The following OR4F15 variants were observed in gnomAD, a reference collection of about 807,000 sequenced individuals.
OR4F15 encodes the protein olfactory receptor family 4 subfamily F member 15.
OR4F15 carries 7 observed loss-of-function variants against 11.9 expected under a neutral mutation model. That is an observed-to-expected ratio of 0.59 (90% CI 0.33 to 1.10). OR4F15 has a LOEUF of 1.10. OR4F15 is among the 50% of genes least tolerant of loss of function. The pLI is 0.03. For synonymous variants in OR4F15, 151 were observed against 134.6 expected (o/e 1.12, Z -0.84); for missense variants, 445 against 377.5 (o/e 1.18, Z -1.48).
At chr15:101,813,306 C>T (rs1440824240) in intron 1 of OR4F15, among the ~76,000 whole-genome samples, 1 of 152,006 alleles carries the variant, frequency 6.6e-6, no homozygotes, top group Non-Finnish European at 1.5e-5. Context: ...TGCAGGAGTT[C>T]GAGACCAGCC....
chr15:101,819,399 A>C lies in OR4F15; in HGVS notation c.*274A>C. ...GTGAGTGCCATGTAATTGAACAAAT[A>C]ACAATACTATGTCTTTTATTTTTTC... On this transcript the variant is annotated 3_prime_UTR_variant, in exon 2 of 2. Coordinates refer to ENST00000332238, the MANE Select transcript of OR4F15 (RefSeq NM_001001674.2). 2.9e-6 allele frequency: 1 copy of C among 347,708 alleles called. No individual in the cohort carries two copies. Among genetic ancestry groups the C allele is most frequent in the East Asian group, 5.0e-5 (1 of 19,892 alleles). 21.5% of individuals were successfully genotyped at this position (347,708 alleles called of 1,614,324 possible).
chr15:101,819,301 G>C lies in OR4F15; in HGVS notation c.*176G>C. ...AGAAGTGATGTTATCCTTTGGCACA[G>C]TGTGCATCAAAGTGCTAAATATTAA... On this transcript the variant is annotated 3_prime_UTR_variant, in exon 2 of 2. Coordinates refer to ENST00000332238, the MANE Select transcript of OR4F15 (RefSeq NM_001001674.2). 1 of 572,852 alleles carries C rather than the reference G, an allele frequency of 1.7e-6. No homozygotes were observed. The highest frequency in any genetic ancestry group is 2.5e-5 in the South Asian group (1 of 40,702). The allele number at this position is 572,852 out of a possible 1,614,324, so 35.5% of individuals were successfully genotyped here.
rs948665332 is a variant in OR4F15, at chr15:101,818,130, C to T, written c.-37-20C>T. On this transcript the variant is annotated intron_variant, in intron 1 of 1. Transcript: ENST00000332238. ...AATACTTGCCTAGGTAATTCTTTCT[C>T]ATTTTCTTTCTTCCTTCAGGTAAGT... 21 of 1,137,158 alleles carry T rather than the reference C, an allele frequency of 1.8e-5. No homozygotes were observed. Among genetic ancestry groups the T allele is most frequent in the South Asian group, 3.0e-5 (2 of 67,080 alleles). 70.4% of individuals were successfully genotyped at this position (1,137,158 alleles called of 1,614,324 possible). A position where few individuals can be genotyped will look rare whatever the true frequency, so the allele number is the denominator to read the frequency against.
In OR4F15 at chr15:101,818,148, A is replaced by G. The variant is rs1224781045; in HGVS notation, c.-37-2A>G. The G allele has an allele frequency of 2.3e-6, 3 of 1,298,374 alleles. No individual in the cohort carries two copies. The highest frequency in any genetic ancestry group is 1.4e-5 in the South Asian group (1 of 72,832). 80.4% of individuals were successfully genotyped at this position (1,298,374 alleles called of 1,614,324 possible). On this transcript the variant is annotated splice_acceptor_variant, in intron 1 of 1. Coordinates refer to ENST00000332238, the MANE Select transcript of OR4F15 (RefSeq NM_001001674.2). LOFTEE classifies it low-confidence loss of function (5UTR_SPLICE). ...TCTTTCTCATTTTCTTTCTTCCTTC[A>G]GGTAAGTAACATGAAAACTGATCTT...
intron 1 of OR4F15, among the ~76,000 whole-genome samples, chr15:101,817,183 C>A (rs1409845119): frequency 6.6e-6 from 1 of 152,066 alleles, no homozygotes; most frequent in Non-Finnish European, 1.5e-5. Context: ...AATAATAAGA[C>A]CCCATATTTA....
intron 1 of OR4F15, among the ~76,000 whole-genome samples, chr15:101,817,683 T>G (rs1480615508): frequency 2.6e-5 from 4 of 152,030 alleles, no homozygotes; most frequent in Admixed American, 2.0e-4. Context: ...TTTTGAAATT[T>G]AAAAAAGGAA....
Position 101,818,132 on chromosome 15 carries a change from T to G in OR4F15, c.-37-18T>G. The G allele has an allele frequency of 8.6e-7, 1 of 1,163,870 alleles. No homozygotes were observed. Among genetic ancestry groups the G allele is most frequent in the Non-Finnish European group, 1.2e-6 (1 of 807,528 alleles). The allele number at this position is 1,163,870 out of a possible 1,614,324, so 72.1% of individuals were successfully genotyped here. ...TACTTGCCTAGGTAATTCTTTCTCA[T>G]TTTCTTTCTTCCTTCAGGTAAGTAA... On this transcript the variant is annotated intron_variant, in intron 1 of 1. Transcript: ENST00000332238.
At position 101,819,080 on chromosome 15, in the gene OR4F15, G is replaced by A. The variant is rs1283775504; in HGVS notation, c.894G>A (p.Met298Ile). ...GGAACAAAGACATGAAAGTGGCAAT[G>A]AGGAGACTGTGCAGTCGTCTTGCGC... ...TFRNKDMKVA[M>I]RRLCSRLAHF... Residue 298 changes from methionine (M) to isoleucine (I), a missense_variant, in exon 2 of 2, where the codon ATG becomes ATA. Transcript: ENST00000332238. The A allele has an allele frequency of 6.2e-7, 1 of 1,613,652 alleles. No homozygotes were observed. Among genetic ancestry groups the A allele is most frequent in the African/African-American group, 1.3e-5 (1 of 74,908 alleles).
chr15:101,816,709 T>G (rs1902994862), intron 1 of OR4F15, among the ~76,000 whole-genome samples: 1 of 152,204 alleles, frequency 6.6e-6, no homozygotes, highest in African/African-American at 2.4e-5. Flanking sequence ...ACATAAATGT[T>G]GGACTAAATC....
In OR4F15 at chr15:101,819,227, A is replaced by G. The variant is rs967834158; in HGVS notation, c.*102A>G. ...AAATACTGAAGACTCAGGCCATACTATATGCCTGAAAATTTATGAAATCAT... is the reference window on the plus strand; with the variant it reads ...AAATACTGAAGACTCAGGCCATACTGTATGCCTGAAAATTTATGAAATCAT... On this transcript the variant is annotated 3_prime_UTR_variant, in exon 2 of 2. Transcript: ENST00000332238. 7 of 714,396 alleles carry G rather than the reference A, an allele frequency of 9.8e-6. No individual in the cohort carries two copies. The highest frequency in any genetic ancestry group is 1.6e-5 in the Non-Finnish European group (7 of 438,240). 44.3% of individuals were successfully genotyped at this position (714,396 alleles called of 1,614,324 possible). A position where few individuals can be genotyped will look rare whatever the true frequency, so the allele number is the denominator to read the frequency against.
At position 101,818,402 on chromosome 15, in the gene OR4F15, AT is replaced by A. The variant is rs781722901; in HGVS notation, c.220del (p.Cys74AlafsTer8). 6.2e-7 allele frequency: 1 copy of A among 1,614,056 alleles called. No homozygotes were observed. The highest frequency in any genetic ancestry group is 8.5e-7 in the Non-Finnish European group (1 of 1,179,960). On this transcript the variant is annotated frameshift_variant, in exon 2 of 2. Coordinates refer to ENST00000332238, the MANE Select transcript of OR4F15 (RefSeq NM_001001674.2). LOFTEE classifies it high-confidence loss of function. ...CTAACCTCTCAATCATTGATATGGCATTTTGCTCAATTACAGCCCCTAAGAT... is the reference window on the plus strand; with the variant it reads ...CTAACCTCTCAATCATTGATATGGCATTTGCTCAATTACAGCCCCTAAGAT... ...LANLSIIDMA[F>X]CSITAPKMIC... is the part of the protein sequence containing the mutation.
In OR4F15 at chr15:101,819,609, G is replaced by C. The variant is rs1047788644; in HGVS notation, c.*484G>C. On this transcript the variant is annotated 3_prime_UTR_variant, in exon 2 of 2. Coordinates refer to ENST00000332238, the MANE Select transcript of OR4F15 (RefSeq NM_001001674.2). ...GCAACCTCTGCCTCTCCGGTTCAAGGGTTCGAGTAATTCTCCTGCCTCAGC... is the reference window on the plus strand; with the variant it reads ...GCAACCTCTGCCTCTCCGGTTCAAGCGTTCGAGTAATTCTCCTGCCTCAGC... 1 of 153,036 alleles carries C rather than the reference G, an allele frequency of 6.5e-6. No homozygotes were observed. Among genetic ancestry groups the C allele is most frequent in the Non-Finnish European group, 1.5e-5 (1 of 68,736 alleles). The allele number at this position is 153,036 out of a possible 1,614,324, so 9.5% of individuals were successfully genotyped here. A position where few individuals can be genotyped will look rare whatever the true frequency, so the allele number is the denominator to read the frequency against.
At chr15:101,817,698 A>T (rs1903014039) in intron 1 of OR4F15, among the ~76,000 whole-genome samples, 1 of 152,184 alleles carries the variant, frequency 6.6e-6, no homozygotes. Flanking sequence ...AAGGAAGGGA[A>T]ACTTCTAAAG....
Position 101,818,198 on chromosome 15 carries a change from G to A in OR4F15, c.12G>A (p.Met4Ile). The A allele has an allele frequency of 6.2e-7, 1 of 1,606,028 alleles. No homozygotes were observed. The highest frequency in any genetic ancestry group is 1.7e-5 in the Admixed American group (1 of 59,756). MNGMNHSVVSEFVF... is the reference protein window; with the variant it reads MNGINHSVVSEFVF... ...TGGAGTCTGAGGCAATGAATGGAAT[G>A]AATCACTCTGTGGTATCAGAATTTG... Residue 4 changes from methionine (M) to isoleucine (I), a missense_variant, in exon 2 of 2, where the codon ATG becomes ATA. Physicochemically the swap from Met to Ile is conservative, Grantham distance 10 (BLOSUM62 1). Transcript: ENST00000332238.
Position 101,819,411 on chromosome 15 carries a change from T to G in OR4F15, c.*286T>G. 1 of 296,964 alleles carries G rather than the reference T, an allele frequency of 3.4e-6. No individual in the cohort carries two copies. The highest frequency in any genetic ancestry group is 6.2e-6 in the Non-Finnish European group (1 of 161,326). The allele number at this position is 296,964 out of a possible 1,614,324, so 18.4% of individuals were successfully genotyped here. ...TAATTGAACAAATAACAATACTATG[T>G]CTTTTATTTTTTCTACTGGACAGAT... is the stretch of plus-strand genomic sequence containing the variant. On this transcript the variant is annotated 3_prime_UTR_variant, in exon 2 of 2. Coordinates refer to ENST00000332238, the MANE Select transcript of OR4F15 (RefSeq NM_001001674.2).
In OR4F15 at chr15:101,818,802, A is replaced by G. The variant is rs748535071; in HGVS notation, c.616A>G (p.Ile206Val). 2 of 1,614,038 alleles carry G rather than the reference A, an allele frequency of 1.2e-6. No individual in the cohort carries two copies. The highest frequency in any genetic ancestry group is 1.7e-6 in the Non-Finnish European group (2 of 1,179,998). Residue 206 changes from isoleucine to valine, a missense_variant, in exon 2 of 2, where the codon ATT becomes GTT. Physicochemically the swap from Ile to Val is conservative, Grantham distance 29 (BLOSUM62 3). Coordinates refer to ENST00000332238, the MANE Select transcript of OR4F15 (RefSeq NM_001001674.2). ...CATGGTCACTGTCAATAGTGGACTC[A>G]TTTCTGTGGGCTCCTTTGTCTTGCT... is the stretch of plus-strand genomic sequence containing the variant. ...EFMVTVNSGL[I>V]SVGSFVLLVI...
chr15:101,819,046 A>G lies in OR4F15; in HGVS notation c.860A>G (p.Tyr287Cys). 6.2e-7 allele frequency: 1 copy of G among 1,613,932 alleles called. No homozygotes were observed. Among genetic ancestry groups the G allele is most frequent in the East Asian group, 2.2e-5 (1 of 44,870 alleles). ...FITPFLNPVI[Y>C]TFRNKDMKVA... Reference sequence around the variant, plus strand: ...ACTCCTTTTCTGAATCCAGTTATCTACACATTCAGGAACAAAGACATGAAA... The same window carrying G: ...ACTCCTTTTCTGAATCCAGTTATCTGCACATTCAGGAACAAAGACATGAAA... Residue 287 changes from tyrosine to cysteine, a missense_variant, in exon 2 of 2, where the codon TAC becomes TGC. Transcript: ENST00000332238.
chr15:101,819,015 T>C lies in OR4F15; in HGVS notation c.829T>C (p.Phe277Leu), dbSNP rs1903055399. ...LDKYLAIFDA[F>L]ITPFLNPVIY... ...TAAATATCTTGCTATTTTTGATGCA[T>C]TTATTACTCCTTTTCTGAATCCAGT... is the stretch of plus-strand genomic sequence containing the variant. Residue 277 changes from phenylalanine (F) to leucine (L), a missense_variant, in exon 2 of 2, where the codon TTT (phenylalanine) becomes CTT (leucine). Coordinates refer to ENST00000332238, the MANE Select transcript of OR4F15 (RefSeq NM_001001674.2). 2 of 1,614,040 alleles carry C rather than the reference T, an allele frequency of 1.2e-6. No homozygotes were observed. The highest frequency in any genetic ancestry group is 2.7e-5 in the African/African-American group (2 of 75,040).
intron 1 of OR4F15, among the ~76,000 whole-genome samples, chr15:101,813,456 C>T (rs1596372748): frequency 6.7e-6 from 1 of 149,694 alleles, no homozygotes; most frequent in East Asian, 2.0e-4. Flanking sequence ...TTGCAGTGAA[C>T]CGAGATTGTG....
Sources: allele counts gnomAD v4.1 joint callset (sites outside exome capture counted in the v4.1 genomes callset), GRCh38; gene constraint gnomAD v4.1.1; transcripts MANE v1.5; gene names NCBI Gene and HGNC (gene_info 2026-07-23, HGNC 2026-07-21).